Variants in DNAH8 observed in about 807,000 individuals in gnomAD.
The protein encoded by DNAH8 is dynein axonemal heavy chain 8.
A neutral mutation model predicts 562.1 loss-of-function variants in DNAH8; 382 were observed. That is an observed-to-expected ratio of 0.68 (90% CI 0.63 to 0.74). The LOEUF is 0.74. DNAH8 is among the 30% of genes least tolerant of loss of function. DNAH8 has a pLI of 0.00. For synonymous variants in DNAH8, 1,881 were observed against 1,919.4 expected (o/e 0.98, Z 0.52); for missense variants, 5,203 against 5,620.4 (o/e 0.93, Z 2.37).
At chr6:38,853,637 G>A (rs749222579) in intron 41 of DNAH8, among the ~76,000 whole-genome samples, 1 of 151,656 alleles carries the variant, frequency 6.6e-6, no homozygotes, top group Admixed American at 6.6e-5. Context: ...GTGTGTGTGT[G>A]TATTTGTATA....
chr6:38,737,204 T>C lies in DNAH8; in HGVS notation c.900T>C (p.Ser300=). The change falls in exon 6 of 93, where the codon TCT becomes TCC. Residue 300 remains serine (S), a synonymous_variant. Transcript: ENST00000327475. ...TAAACCAGTCCAAGCAGGGAGAATC[T>C]GAAAAACATATTTTCACTGAAACCA... ...GALNQSKQGE[S]EKHIFTETIN... is the part of the protein sequence containing the mutation. The C allele has an allele frequency of 6.6e-7, 1 of 1,523,312 alleles. No homozygotes were observed. Among genetic ancestry groups the C allele is most frequent in the South Asian group, 1.3e-5 (1 of 75,272 alleles). The allele number at this position is 1,523,312 out of a possible 1,614,324, so 94.4% of individuals were successfully genotyped here. A position where few individuals can be genotyped will look rare whatever the true frequency, so the allele number is the denominator to read the frequency against.
chr6:38,783,116 G>C lies in DNAH8; in HGVS notation c.2372G>C (p.Arg791Thr). Reference protein sequence around the residue: ...FEVVYHTAWIREISQLHYALQ... With the variant: ...FEVVYHTAWITEISQLHYALQ... ...GTGGTCTATCACACAGCCTGGATCA[G>C]AGAGATTTCACAGTTGCATTACGGT... Residue 791 changes from arginine to threonine, a missense_variant, in exon 17 of 93, where the codon AGA (arginine) becomes ACA (threonine). Physicochemically the swap from Arg to Thr is moderately conservative, Grantham distance 71. This residue lies in a region of DNAH8 where 2,176 missense variants were observed against 2,365.1 expected (regional missense o/e 0.92). Transcript: ENST00000327475. 1 of 1,613,968 alleles carries C rather than the reference G, an allele frequency of 6.2e-7. No individual in the cohort carries two copies. Among genetic ancestry groups the C allele is most frequent in the Non-Finnish European group, 8.5e-7 (1 of 1,179,926 alleles).
chr6:38,715,960 A>ATATATATTT (rs1372342002), intron 1 of DNAH8, among the ~76,000 whole-genome samples: 9 of 23,626 alleles, frequency 3.8e-4, no homozygotes, highest in Non-Finnish European at 5.6e-4. Context: ...ATATATATAT[A>ATATATATTT]TTTTTTTTTT....
At chr6:38,734,770 A>G in intron 5 of DNAH8, 145 bp downstream of exon 5, 1 of 906,132 alleles carries the variant, frequency 1.1e-6, no homozygotes, top group East Asian at 2.8e-5. Context: ...ATTAAAAAAA[A>G]CTGAGAAATT....
intron 22 of DNAH8, among the ~76,000 whole-genome samples, chr6:38,804,131 C>T (rs568130247): frequency 2.0e-5 from 3 of 152,264 alleles, no homozygotes; most frequent in Non-Finnish European, 4.4e-5. Context: ...TTCCTGTTAT[C>T]TCAATAGGTT....
chr6:38,992,211 G>A (rs1381200432), intron 88 of DNAH8, among the ~76,000 whole-genome samples: 3 of 152,014 alleles, frequency 2.0e-5, no homozygotes, highest in East Asian at 1.9e-4. Flanking sequence ...CAGGTGATCC[G>A]CCCACCTCGG....
chr6:38,735,853 C>G (rs1562591582), intron 5 of DNAH8, among the ~76,000 whole-genome samples: 1 of 152,156 alleles, frequency 6.6e-6, no homozygotes, highest in Non-Finnish European at 1.5e-5. Context: ...TAGACATTAT[C>G]TGTGGCCAGT....
chr6:38,768,604 T>C (rs1268001497), intron 11 of DNAH8, among the ~76,000 whole-genome samples: 2 of 152,144 alleles, frequency 1.3e-5, no homozygotes, highest in Non-Finnish European at 2.9e-5. Flanking sequence ...TACTTTCTGT[T>C]TCTTCTTGAG....
intron 18 of DNAH8, among the ~76,000 whole-genome samples, chr6:38,787,534 T>C (rs1248843275): frequency 6.6e-6 from 1 of 151,744 alleles, no homozygotes; most frequent in Non-Finnish European, 1.5e-5. Context: ...AAGACCAGTC[T>C]GGCTAACATG....
rs769848779 is a variant in DNAH8, at chr6:38,886,991, A to T, written c.8460A>T (p.Ile2820=). ...GTACATTGCCTTCAAATGCTTCAAT[A>T]GACAAAATTTTTGGTATGAATATTC... ...FNCTLPSNAS[I]DKIFGIIGCG... is the part of the protein sequence containing the mutation. The change falls in exon 57 of 93, where the codon ATA becomes ATT. Residue 2820 remains isoleucine (I), a synonymous_variant. Transcript: ENST00000327475. The T allele has an allele frequency of 7.5e-6, 12 of 1,608,274 alleles. No individual in the cohort carries two copies. The highest frequency in any genetic ancestry group is 3.3e-5 in the South Asian group (3 of 90,948).
At chr6:38,990,350 C>T (rs1006422145) in intron 88 of DNAH8, among the ~76,000 whole-genome samples, 178 bp downstream of exon 88, 1 of 152,116 alleles carries the variant, frequency 6.6e-6, no homozygotes, top group Non-Finnish European at 1.5e-5. Flanking sequence ...GCCTGCTCTC[C>T]TCTCACTAAA....
At chr6:38,718,123 A>T (rs962234919) in intron 1 of DNAH8, among the ~76,000 whole-genome samples, 3 of 152,192 alleles carry the variant, frequency 2.0e-5, no homozygotes, top group African/African-American at 4.8e-5. Context: ...AGTACAGAAC[A>T]ATTAGTGGGC....
At position 38,923,073 on chromosome 6, in the gene DNAH8, G is replaced by A. The variant is rs141263020; in HGVS notation, c.10678G>A (p.Ala3560Thr). ...ATGGCTGCAGGATTTGCTTAATGAC[G>A]CTGATACGTGCCGGAAAAAGATGCA... is the stretch of plus-strand genomic sequence containing the variant. ...MNEKMDLLND[A>T]DTCRKKMQAA... Residue 3560 changes from alanine to threonine, a missense_variant, in exon 72 of 93, where the codon GCT becomes ACT. Coordinates refer to ENST00000327475, the MANE Select transcript of DNAH8 (RefSeq NM_001206927.2). 2.1e-3 allele frequency: 3,402 copies of A among 1,613,156 alleles called. 7 individuals carry two copies. Among genetic ancestry groups the A allele is most frequent in the Non-Finnish European group, 2.4e-3 (2,778 of 1,179,590 alleles).
intron 49 of DNAH8, among the ~76,000 whole-genome samples, chr6:38,871,191 G>A (rs964047569): frequency 3.9e-5 from 6 of 152,130 alleles, no homozygotes; most frequent in African/African-American, 9.7e-5. Flanking sequence ...TGAAATTGTG[G>A]ACATTGTTGA....
chr6:38,829,251 T>C (rs1617807), intron 30 of DNAH8, among the ~76,000 whole-genome samples: 27,486 of 152,120 alleles, frequency 0.18, 2,834 homozygotes, highest in East Asian at 0.29. Context: ...TTATCAGATA[T>C]GTGATTTGCA....
At chr6:38,822,725 G>A (rs1772978359) in intron 26 of DNAH8, 113 bp from the exon 27 acceptor site, 6 of 811,000 alleles carry the variant, frequency 7.4e-6, no homozygotes. Context: ...TAGTTTCTTG[G>A]AGGGAGAATC....
chr6:38,971,651 A>G lies in DNAH8; in HGVS notation c.12511A>G (p.Met4171Val), dbSNP rs1366073824. The change falls in exon 83 of 93, where the codon ATG (methionine) becomes GTG (valine). Residue 4171 changes from methionine to valine, a missense_variant. This residue lies in a region of DNAH8 where 1,399 missense variants were observed against 1,518.4 expected (regional missense o/e 0.92). Coordinates refer to ENST00000327475, the MANE Select transcript of DNAH8 (RefSeq NM_001206927.2). The part of the protein sequence containing the change: ...QEVHARKLIQ[M>V]SMQQGGWVLL... ...AGTACATGCTCGAAAGCTGATTCAG[A>G]TGTCAATGCAGCAGGTATGTGACAA... 1.9e-6 allele frequency: 3 copies of G among 1,601,670 alleles called. No individual in the cohort carries two copies. The highest frequency in any genetic ancestry group is 2.6e-6 in the Non-Finnish European group (3 of 1,174,466).
At chr6:38,738,664 A>G (rs1764296021) in intron 7 of DNAH8, among the ~76,000 whole-genome samples, 2 of 152,184 alleles carry the variant, frequency 1.3e-5, no homozygotes, top group African/African-American at 4.8e-5. Flanking sequence ...ATCAAGGGGA[A>G]AAAATCTTGA....
In DNAH8 at chr6:38,842,658, G is replaced by T; in HGVS notation, c.4605-5G>T. ...GCATATTTTTTTTCTCTTTCTTTCT[G>T]AAAGATGTCGTAAACTTCCAAAAGG... On this transcript the variant is annotated splice_region_variant and splice_polypyrimidine_tract_variant and intron_variant, in intron 34 of 92. Transcript: ENST00000327475. 1 of 1,607,036 alleles carries T rather than the reference G, an allele frequency of 6.2e-7. No individual in the cohort carries two copies. Among genetic ancestry groups the T allele is most frequent in the South Asian group, 1.1e-5 (1 of 88,798 alleles).
Sources: allele counts gnomAD v4.1 joint callset (sites outside exome capture counted in the v4.1 genomes callset), GRCh38; gene constraint gnomAD v4.1.1; regional missense constraint gnomAD v4.1.1; transcripts MANE v1.5; gene names NCBI Gene and HGNC (gene_info 2026-07-23, HGNC 2026-07-21).